The following XRN1 variants were observed in gnomAD, a reference collection of about 807,000 sequenced individuals.
XRN1 encodes the protein 5'-3' exoribonuclease 1, also known as strand-exchange protein 1 homolog.
Under a neutral mutation model 222.3 loss-of-function variants are expected in XRN1, and 67 were observed. The observed-to-expected ratio is 0.30, with a 90% CI of 0.25 to 0.37. The LOEUF is 0.37. Ranked by LOEUF, XRN1 falls within the 10% of genes least tolerant of loss-of-function variation. The pLI, the probability that XRN1 is intolerant of heterozygous loss-of-function variation, is 1.00. For synonymous variants in XRN1, 643 were observed against 652.4 expected, an observed-to-expected ratio of 0.99 and a Z score of 0.22; for missense variants, 1,707 against 2,000.2, an observed-to-expected ratio of 0.85 and a Z score of 2.80.
At chr3:142,437,758 C>G (rs1303543811) in intron 1 of XRN1, among the ~76,000 whole-genome samples, 1 of 152,128 alleles carries the variant, frequency 6.6e-6, no homozygotes, top group Non-Finnish European at 1.5e-5. Flanking sequence ...GAAGAGACAA[C>G]CCATAGAATG....
At chr3:142,357,268 T>C (rs2066489691) in intron 30 of XRN1, 149 bp from the exon 31 acceptor site, 3 of 706,114 alleles carry the variant, frequency 4.2e-6, no homozygotes, top group African/African-American at 3.6e-5. Flanking sequence ...ATCACAGCAA[T>C]AGCTCAATTT....
Position 142,429,186 on chromosome 3 carries a change from C to T in XRN1, c.309-2345G>A, listed in dbSNP as rs554992871. ...TTTTTGAGACAGAGTTTCACTCTGT[C>T]GCCCAGGCTGGAGTGCAGTGGTGTG... is the stretch of plus-strand genomic sequence containing the variant. On this transcript the variant is annotated intron_variant, in intron 2 of 40. Coordinates refer to ENST00000392981, the MANE Select transcript of XRN1 (RefSeq NM_001282857.2). Among the ~76,000 whole-genome samples, 9 of 132,104 alleles carry T rather than the reference C, an allele frequency of 6.8e-5. No individual in the cohort carries two copies. In the East Asian group the frequency reaches 1.3e-3, roughly 19 times the overall value. 86.7% of individuals were successfully genotyped at this position (132,104 alleles called of 152,430 possible).
chr3:142,310,397 A>C lies in XRN1; in HGVS notation c.*1114T>G, dbSNP rs2065050393. 6.6e-6 allele frequency: 1 copy of C among 152,594 alleles called. No individual in the cohort carries two copies. Among genetic ancestry groups the C allele is most frequent in the Non-Finnish European group, 1.5e-5 (1 of 68,028 alleles). 9.5% of individuals were successfully genotyped at this position (152,594 alleles called of 1,614,324 possible). On this transcript the variant is annotated 3_prime_UTR_variant, in exon 41 of 41. Coordinates refer to ENST00000392981, the MANE Select transcript of XRN1 (RefSeq NM_001282857.2). Reference sequence around the variant, plus strand: ...TCATAAATTCTAAAATAATTTCAACAGTTACAGCTTGAACCACACATTCAC... The same window carrying C: ...TCATAAATTCTAAAATAATTTCAACCGTTACAGCTTGAACCACACATTCAC...
In XRN1 at chr3:142,400,565, A is replaced by G. The variant is rs374288955; in HGVS notation, c.2104-18T>C. Reference sequence around the variant, plus strand: ...TCTACGGTCTTAAAGTAAAAGCAAAAAAGTTCATTCATGATTTCAGGTCTA... The same window carrying G: ...TCTACGGTCTTAAAGTAAAAGCAAAGAAGTTCATTCATGATTTCAGGTCTA... On this transcript the variant is annotated intron_variant, in intron 18 of 40. Coordinates refer to ENST00000392981, the MANE Select transcript of XRN1 (RefSeq NM_001282857.2). 7.5e-6 allele frequency: 12 copies of G among 1,591,566 alleles called. No individual in the cohort carries two copies. Among genetic ancestry groups the G allele is most frequent in the Non-Finnish European group, 1.0e-5 (12 of 1,167,130 alleles).
At chr3:142,410,045 T>C (rs188125047) in intron 15 of XRN1, among the ~76,000 whole-genome samples, 6 of 152,342 alleles carry the variant, frequency 3.9e-5, no homozygotes, top group African/African-American at 1.2e-4. Context: ...CTTTTGAAGA[T>C]TTCTTAGAAT....
At chr3:142,438,943 C>G (rs1161650615) in intron 1 of XRN1, among the ~76,000 whole-genome samples, 2 of 151,968 alleles carry the variant, frequency 1.3e-5, no homozygotes, top group Non-Finnish European at 2.9e-5. Flanking sequence ...ACAAGGACCC[C>G]CCTTTAACCC....
chr3:142,353,416 T>A (rs1409573759), intron 32 of XRN1, among the ~76,000 whole-genome samples: 2 of 152,198 alleles, frequency 1.3e-5, no homozygotes, highest in African/African-American at 4.8e-5. Flanking sequence ...CTTCACGTTA[T>A]ACTGTAAGTT....
intron 33 of XRN1, among the ~76,000 whole-genome samples, chr3:142,340,445 G>A (rs2065962299): frequency 6.6e-6 from 1 of 151,090 alleles, no homozygotes; most frequent in African/African-American, 2.4e-5. Flanking sequence ...AGCCTCAAAA[G>A]GGCAAATCTA....
chr3:142,363,398 A>T (rs915618610), intron 29 of XRN1, among the ~76,000 whole-genome samples: 5 of 152,214 alleles, frequency 3.3e-5, no homozygotes, highest in African/African-American at 1.2e-4. Flanking sequence ...CATTTGTTAA[A>T]GACATTATCC....
chr3:142,417,125 T>C lies in XRN1; in HGVS notation c.1436+15A>G, dbSNP rs759765697. The C allele has an allele frequency of 9.4e-6, 15 of 1,597,310 alleles. No individual in the cohort carries two copies. Among genetic ancestry groups the C allele is most frequent in the South Asian group, 6.8e-5 (6 of 88,466 alleles). On this transcript the variant is annotated intron_variant, in intron 13 of 40. Transcript: ENST00000392981. ...ATAAAAAGACAAAACTTTATTTTTG[T>C]TTTTATTCTCTCACCAGCTCCAGGA...
At chr3:142,347,512 T>A (rs2066179216) in intron 32 of XRN1, among the ~76,000 whole-genome samples, 170 bp from the exon 33 acceptor site, 1 of 152,122 alleles carries the variant, frequency 6.6e-6, no homozygotes, top group Non-Finnish European at 1.5e-5. Context: ...ATCACCAGAC[T>A]CATTAACATA....
intron 1 of XRN1, among the ~76,000 whole-genome samples, chr3:142,443,655 A>AAAAC (rs966685888): frequency 1.3e-5 from 2 of 152,216 alleles, no homozygotes; most frequent in Admixed American, 6.5e-5. Context: ...TGCAACTGCA[A>AAAAC]AAACAAACAA....
chr3:142,425,399 TAAAC>T, intron 4 of XRN1, 26 bp downstream of exon 4: 1 of 1,579,452 alleles, frequency 6.3e-7, no homozygotes, highest in Non-Finnish European at 8.6e-7. Flanking sequence ...ATACTTTTTT[TAAAC>T]TCTTTAAATA....
chr3:142,380,129 T>G lies in XRN1; in HGVS notation c.2668A>C (p.Ser890Arg). The G allele has an allele frequency of 6.2e-7, 1 of 1,613,976 alleles. No homozygotes were observed. Among genetic ancestry groups the G allele is most frequent in the Non-Finnish European group, 8.5e-7 (1 of 1,179,948 alleles). ...ITEGRIRVIF[S>R]IPCEPNLDAL... ...TCAAGATTGGGTTCACATGGAATGC[T>G]GAAAATCACACGAATCCTACCTTCT... The change falls in exon 23 of 41, where the codon AGC becomes CGC. Residue 890 changes from serine to arginine, a missense_variant. Ser to Arg is a moderately radical substitution (Grantham distance 110, BLOSUM62 -1). Coordinates refer to ENST00000392981, the MANE Select transcript of XRN1 (RefSeq NM_001282857.2).
At chr3:142,444,107 G>A (rs907770435) in intron 1 of XRN1, among the ~76,000 whole-genome samples, 2 of 152,174 alleles carry the variant, frequency 1.3e-5, no homozygotes, top group Non-Finnish European at 2.9e-5. Context: ...AGTCAGGGGA[G>A]AGGTGGGAAA....
At chr3:142,332,562 G>A (rs1345360266) in intron 35 of XRN1, 28 bp from the exon 36 acceptor site, 3 of 1,582,854 alleles carry the variant, frequency 1.9e-6, no homozygotes, top group East Asian at 2.2e-5. Context: ...ACATGGAGAT[G>A]GTGAGGGTGA....
intron 35 of XRN1, 143 bp downstream of exon 35, chr3:142,332,824 G>A (rs2065738261): frequency 7.7e-7 from 1 of 1,303,058 alleles, no homozygotes; most frequent in Non-Finnish European, 1.0e-6. Context: ...GCCCAGGGCA[G>A]CCTGGTTTCC....
At chr3:142,360,222 A>C (rs1470529120) in intron 29 of XRN1, among the ~76,000 whole-genome samples, 3 of 152,192 alleles carry the variant, frequency 2.0e-5, no homozygotes, top group Non-Finnish European at 2.9e-5. Context: ...CTACATACAT[A>C]TGTATCTATG....
At chr3:142,413,821 AAGT>A (rs1460180677) in intron 14 of XRN1, among the ~76,000 whole-genome samples, 1 of 152,254 alleles carries the variant, frequency 6.6e-6, no homozygotes, top group Non-Finnish European at 1.5e-5. Context: ...TGTTTAGATA[AAGT>A]AGATAGCTTC....
Sources: gnomAD v4.1 joint callset for allele counts (sites outside exome capture counted in the v4.1 genomes callset) on GRCh38, gnomAD v4.1.1 for gene constraint, MANE v1.5 for transcripts, NCBI Gene and HGNC (gene_info 2026-07-23, HGNC 2026-07-21) for gene names.